The following CYTH1 variants were observed in gnomAD, a reference collection of about 807,000 sequenced individuals.
CYTH1 encodes the protein cytohesin 1.
Under a neutral mutation model 61.8 loss-of-function variants are expected in CYTH1, and 18 were observed. The ratio of observed to expected loss-of-function variants is 0.29; its 90% confidence interval spans 0.20 to 0.43. The LOEUF (loss-of-function observed/expected upper bound fraction) is 0.43, where lower values mean the gene tolerates loss of function less well. Ranked by LOEUF, CYTH1 falls within the 20% of genes least tolerant of loss-of-function variation. CYTH1 has a pLI of 1.00. For synonymous variants in CYTH1, 174 were observed against 184.3 expected, an observed-to-expected ratio of 0.94 and a Z score of 0.45; for missense variants, 336 against 510.5, an observed-to-expected ratio of 0.66 and a Z score of 3.29.
chr17:78,705,721 C>A (rs546021139), intron 3 of CYTH1, among the ~76,000 whole-genome samples: 1 of 152,088 alleles, frequency 6.6e-6, no homozygotes, highest in Non-Finnish European at 1.5e-5. Flanking sequence ...TTGGCGCTTT[C>A]GATACCGGAA....
Position 78,676,042 on chromosome 17 carries a change from A to C in CYTH1, c.*49T>G, listed in dbSNP as rs1201497850. On this transcript the variant is annotated 3_prime_UTR_variant, in exon 14 of 14. Coordinates refer to ENST00000446868, the MANE Select transcript of CYTH1 (RefSeq NM_004762.6). The stretch of plus-strand genomic sequence containing the variant: ...AGTGCATCCATGGAGGTGCGGGAGA[A>C]GAGCAGGAGCTCCAAGGCCCCCGCA... The C allele has an allele frequency of 1.3e-6, 2 of 1,570,546 alleles. No individual in the cohort carries two copies. Among genetic ancestry groups the C allele is most frequent in the Non-Finnish European group, 1.7e-6 (2 of 1,156,866 alleles).
At chr17:78,782,073 C>T (rs2093521081) in intron 1 of CYTH1, 129 bp downstream of exon 1, 4 of 862,444 alleles carry the variant, frequency 4.6e-6, no homozygotes, top group Non-Finnish European at 5.9e-6. Flanking sequence ...CCGCCGGTCG[C>T]CCCGGGCTCC....
intron 1 of CYTH1, among the ~76,000 whole-genome samples, chr17:78,735,848 A>AT (rs2144616850): frequency 6.6e-6 from 1 of 152,328 alleles, no homozygotes; most frequent in African/African-American, 2.4e-5. Context: ...CCACCATCTG[A>AT]TAAGGTGCCA....
intron 1 of CYTH1, among the ~76,000 whole-genome samples, chr17:78,712,758 A>G (rs2093147431): frequency 6.6e-6 from 1 of 152,126 alleles, no homozygotes; most frequent in South Asian, 2.1e-4. Context: ...GTGGTTTGAA[A>G]AACACTCTTC....
chr17:78,731,769 A>G (rs915147944), intron 1 of CYTH1, among the ~76,000 whole-genome samples: 3 of 151,852 alleles, frequency 2.0e-5, no homozygotes, highest in African/African-American at 7.2e-5. Context: ...AAAAAAAAAA[A>G]AACAAAAAAA....
chr17:78,679,490 G>A (rs1277866947), intron 13 of CYTH1, among the ~76,000 whole-genome samples: 5 of 152,346 alleles, frequency 3.3e-5, no homozygotes, highest in East Asian at 3.9e-4. Flanking sequence ...ACTGGAGGGA[G>A]AGCCAGGCAG....
intron 1 of CYTH1, among the ~76,000 whole-genome samples, chr17:78,745,646 C>A (rs1412405096): frequency 6.6e-6 from 1 of 152,200 alleles, no homozygotes; most frequent in Non-Finnish European, 1.5e-5. Flanking sequence ...GTAATCCCGG[C>A]GCTTTGGGAG....
chr17:78,714,920 T>C (rs969296141), intron 1 of CYTH1, among the ~76,000 whole-genome samples: 4 of 151,422 alleles, frequency 2.6e-5, no homozygotes, highest in African/African-American at 9.7e-5. Flanking sequence ...AAGGGACAAT[T>C]ACAGAAAAAG....
intron 13 of CYTH1, among the ~76,000 whole-genome samples, 170 bp downstream of exon 13, chr17:78,680,020 A>C (rs2092741628): frequency 6.6e-6 from 1 of 152,200 alleles, no homozygotes; most frequent in Non-Finnish European, 1.5e-5. Context: ...AATAGCCAAG[A>C]ATCCAAAGGC....
At chr17:78,760,820 GCTC>G (rs1219136926) in intron 1 of CYTH1, among the ~76,000 whole-genome samples, 2 of 151,726 alleles carry the variant, frequency 1.3e-5, no homozygotes, top group Non-Finnish European at 2.9e-5. Flanking sequence ...TATCCCAGAT[GCTC>G]CTCAACTTAC....
rs10660165 is a variant in CYTH1 at position 78,737,874 on chromosome 17, TACACACACAC to T, written c.23-28152_23-28143del. On this transcript the variant is annotated intron_variant, in intron 1 of 13. Transcript: ENST00000446868. ...ATATATTCTCTCTCTCTTCTATAGA[TACACACACAC>T]ACACACACACACACACGATATTTTA... Among the ~76,000 whole-genome samples the T allele has an allele frequency of 4.3e-3, 639 of 150,064 alleles. 6 individuals carry two copies. The highest frequency in any genetic ancestry group is 0.015 in the African/African-American group (599 of 40,656).
intron 12 of CYTH1, 29 bp downstream of exon 12, chr17:78,680,942 C>T (rs1278518517): frequency 6.2e-7 from 1 of 1,611,136 alleles, no homozygotes; most frequent in South Asian, 1.1e-5. Context: ...CCCTTTCTCC[C>T]CTCAAAATAT....
intron 13 of CYTH1, chr17:78,676,383 AG>A (rs2092699339): frequency 1.8e-6 from 1 of 567,122 alleles, no homozygotes; most frequent in African/African-American, 1.9e-5. Flanking sequence ...ACACGTGACA[AG>A]AAAATTTTGG....
chr17:78,741,494 C>T (rs575641308), intron 1 of CYTH1, among the ~76,000 whole-genome samples: 1 of 152,196 alleles, frequency 6.6e-6, no homozygotes, highest in African/African-American at 2.4e-5. Context: ...CAGAAACATT[C>T]CTAGAGTGGG....
intron 1 of CYTH1, among the ~76,000 whole-genome samples, chr17:78,769,846 G>A (rs1405924677): frequency 6.6e-6 from 1 of 151,778 alleles, no homozygotes; most frequent in Admixed American, 6.6e-5. Flanking sequence ...GTGAAACTCC[G>A]TCTCTACTAA....
intron 1 of CYTH1, among the ~76,000 whole-genome samples, chr17:78,771,409 C>T (rs980286764): frequency 6.6e-6 from 1 of 152,042 alleles, no homozygotes; most frequent in Non-Finnish European, 1.5e-5. Context: ...CACTGCCCTC[C>T]AACCTGGACG....
rs529659553 is a variant in CYTH1, at chr17:78,743,174, T to C, written c.23-33442A>G. Among the ~76,000 whole-genome samples the C allele has an allele frequency of 3.3e-5, 5 of 152,298 alleles. No individual in the cohort carries two copies. In the South Asian group the frequency reaches 8.3e-4, roughly 25 times the overall value. ...GAAAAAATCATGTAACAAAAATGCATAGACTATAAAAATGAAAAAAGAAAT... is the reference window on the plus strand; with the variant it reads ...GAAAAAATCATGTAACAAAAATGCACAGACTATAAAAATGAAAAAAGAAAT... On this transcript the variant is annotated intron_variant, in intron 1 of 13. Transcript: ENST00000446868.
chr17:78,718,883 C>T (rs2093204945), intron 1 of CYTH1, among the ~76,000 whole-genome samples: 1 of 152,224 alleles, frequency 6.6e-6, no homozygotes, highest in African/African-American at 2.4e-5. Flanking sequence ...AATTCATCTT[C>T]CTCTTTTGCT....
chr17:78,707,391 A>G (rs2093078610), intron 3 of CYTH1, among the ~76,000 whole-genome samples: 1 of 152,246 alleles, frequency 6.6e-6, no homozygotes, highest in Admixed American at 6.5e-5. Flanking sequence ...TGAAAATAAA[A>G]GGAAAAAAAA....
Sources: allele counts gnomAD v4.1 joint callset (sites outside exome capture counted in the v4.1 genomes callset), GRCh38; gene constraint gnomAD v4.1.1; transcripts MANE v1.5; gene names NCBI Gene and HGNC (gene_info 2026-07-23, HGNC 2026-07-21).